Variants in ITPKC observed in about 807,000 individuals in gnomAD.
ITPKC encodes IP3 3-kinase C.
In ITPKC, 33 loss-of-function variants were observed where a neutral mutation model predicts 67.1. That is an observed-to-expected ratio of 0.49 (90% CI 0.37 to 0.66). The LOEUF is 0.66. ITPKC is among the 30% of genes least tolerant of loss of function. ITPKC has a pLI of 0.00. For synonymous variants in ITPKC, 341 were observed against 359.8 expected (o/e 0.95, Z 0.59); for missense variants, 820 against 892.1 (o/e 0.92, Z 1.03).
At chr19:40,738,550 T>C (rs1314631410) in intron 6 of ITPKC, among the ~76,000 whole-genome samples, 1 of 150,730 alleles carries the variant, frequency 6.6e-6, no homozygotes, top group Admixed American at 6.6e-5. Context: ...AGACTCTGTC[T>C]CAAAAAAAAA....
intron 1 of ITPKC, among the ~76,000 whole-genome samples, chr19:40,722,690 C>T (rs2082227840): frequency 6.6e-6 from 1 of 152,190 alleles, no homozygotes; most frequent in Admixed American, 6.5e-5. Flanking sequence ...ATGAATCAGA[C>T]ACTAACCCTG....
chr19:40,733,206 C>T lies in ITPKC; in HGVS notation c.1516C>T (p.Pro506Ser), dbSNP rs139491097. The change falls in exon 4 of 7, where the codon CCC becomes TCC. Residue 506 changes from proline to serine, a missense_variant. Coordinates refer to ENST00000263370, the MANE Select transcript of ITPKC (RefSeq NM_025194.3). ...AGTGAAGGCACGGGAACGTCCCCGTCCCCGGAAGGACATGTATGAGAAGAT... is the reference window on the plus strand; with the variant it reads ...AGTGAAGGCACGGGAACGTCCCCGTTCCCGGAAGGACATGTATGAGAAGAT... ...ELVKARERPRPRKDMYEKMVA... is the reference protein window; with the variant it reads ...ELVKARERPRSRKDMYEKMVA... The T allele has an allele frequency of 2.6e-4, 417 of 1,614,216 alleles. No individual in the cohort carries two copies. Among genetic ancestry groups the T allele is most frequent in the Middle Eastern group, 6.6e-4 (4 of 6,060 alleles).
chr19:40,729,900 G>A (rs758351270), intron 3 of ITPKC, among the ~76,000 whole-genome samples: 2 of 152,180 alleles, frequency 1.3e-5, no homozygotes, highest in Non-Finnish European at 2.9e-5. Context: ...GGTACTGTCT[G>A]TTTTATTAAC....
rs1202395500 is a variant in ITPKC at position 40,732,239 on chromosome 19, C to CAA, written c.1470-903_1470-902dup. ...TTGGTGACAGAGCAAGACTCCATCT[C>CAA]AAAAAAAAAAAAAAAAAAAGGCTGG... On this transcript the variant is annotated intron_variant, in intron 3 of 6. Coordinates refer to ENST00000263370, the MANE Select transcript of ITPKC (RefSeq NM_025194.3). Among the ~76,000 whole-genome samples the CAA allele has an allele frequency of 5.0e-4, 23 of 46,436 alleles. 1 individual carries two copies. The highest frequency in any genetic ancestry group is 1.2e-3 in the African/African-American group (16 of 13,062). 30.5% of individuals were successfully genotyped at this position (46,436 alleles called of 152,430 possible). A position where few individuals can be genotyped will look rare whatever the true frequency, so the allele number is the denominator to read the frequency against.
In ITPKC at chr19:40,729,252, T is replaced by G; in HGVS notation, c.1306T>G (p.Cys436Gly). The G allele has an allele frequency of 6.2e-7, 1 of 1,614,134 alleles. No individual in the cohort carries two copies. The highest frequency in any genetic ancestry group is 8.5e-7 in the Non-Finnish European group (1 of 1,180,002). ...DGRILKRFCQ[C>G]EQRSLEQLMK... ...TCGGATTCTGAAACGTTTCTGTCAG[T>G]GTGAGCAGCGCAGCCTGGAGCAGCT... Residue 436 changes from cysteine (C) to glycine (G), a missense_variant, in exon 3 of 7, where the codon TGT (cysteine) becomes GGT (glycine). Coordinates refer to ENST00000263370, the MANE Select transcript of ITPKC (RefSeq NM_025194.3).
Position 40,717,547 on chromosome 19 carries a change from A to G in ITPKC, c.412A>G (p.Thr138Ala). The G allele has an allele frequency of 6.2e-7, 1 of 1,613,990 alleles. No individual in the cohort carries two copies. The highest frequency in any genetic ancestry group is 8.5e-7 in the Non-Finnish European group (1 of 1,179,996). ...WSELETTCLW[T>A]ETGTDGLWTD... ...AGAGCTGGAGACGACTTGTCTTTGG[A>G]CGGAGACCGGGACAGATGGCCTTTG... is the stretch of plus-strand genomic sequence containing the variant. Residue 138 changes from threonine (T) to alanine (A), a missense_variant, in exon 1 of 7, where the codon ACG (threonine) becomes GCG (alanine). By Grantham distance (58) the Thr-to-Ala change is moderately conservative. Transcript: ENST00000263370.
chr19:40,719,499 T>G (rs1466050482), intron 1 of ITPKC, among the ~76,000 whole-genome samples: 1 of 152,106 alleles, frequency 6.6e-6, no homozygotes, highest in Non-Finnish European at 1.5e-5. Flanking sequence ...AGATACTTTT[T>G]TTTTTTTTCT....
chr19:40,736,473 G>A (rs1304864387), intron 4 of ITPKC, among the ~76,000 whole-genome samples: 2 of 151,962 alleles, frequency 1.3e-5, no homozygotes, highest in Non-Finnish European at 2.9e-5. Flanking sequence ...TTCCTCCTCT[G>A]GCAGCAAGTG....
Position 40,717,914 on chromosome 19 carries a change from A to G in ITPKC, c.779A>G (p.Lys260Arg), listed in dbSNP as rs1215328448. ...AAACAGGATACTGAAGCAGCCAGGA[A>G]ACAGCCTGGCACTGGTGGTTTCCAA... ...QKKQDTEAAR[K>R]QPGTGGFQIQ... The change falls in exon 1 of 7, where the codon AAA becomes AGA. Residue 260 changes from lysine (K) to arginine (R), a missense_variant. Around this residue, in one of 2 missense-constraint regions of ITPKC, gnomAD observed 481 missense variants for 470.1 expected, o/e 1.02. Coordinates refer to ENST00000263370, the MANE Select transcript of ITPKC (RefSeq NM_025194.3). 1 of 1,614,152 alleles carries G rather than the reference A, an allele frequency of 6.2e-7. No individual in the cohort carries two copies. Among genetic ancestry groups the G allele is most frequent in the African/African-American group, 1.3e-5 (1 of 75,034 alleles).
chr19:40,732,391 G>A (rs1363520710), intron 3 of ITPKC, among the ~76,000 whole-genome samples: 2 of 151,580 alleles, frequency 1.3e-5, no homozygotes, highest in Admixed American at 6.6e-5. Flanking sequence ...TTATCCGGGT[G>A]TGGTGGCGGG....
intron 6 of ITPKC, 58 bp from the exon 7 acceptor site, chr19:40,739,298 AG>A: frequency 7.7e-7 from 1 of 1,306,692 alleles, no homozygotes; most frequent in African/African-American, 1.5e-5. Context: ...GCTGCCTGTC[AG>A]GAAGGGACCT....
At chr19:40,727,206 C>T (rs916082347) in intron 2 of ITPKC, among the ~76,000 whole-genome samples, 13 of 151,756 alleles carry the variant, frequency 8.6e-5, no homozygotes, top group East Asian at 7.8e-4. Flanking sequence ...TGGTGGCGGG[C>T]GCCTGTAATC....
chr19:40,731,486 G>C (rs188626766), intron 3 of ITPKC, among the ~76,000 whole-genome samples: 5 of 152,172 alleles, frequency 3.3e-5, no homozygotes, highest in African/African-American at 1.2e-4. Context: ...GAAGTGTAGG[G>C]CAAGGTATGG....
rs146538442 is a variant in ITPKC at position 40,722,953 on chromosome 19, T to TTTTATTTA, written c.1156-2371_1156-2364dup. Among the ~76,000 whole-genome samples, 4 of 151,386 alleles carry TTTTATTTA rather than the reference T, an allele frequency of 2.6e-5. No individual in the cohort carries two copies. In the East Asian group the frequency reaches 5.9e-4, roughly 22 times the overall value. On this transcript the variant is annotated intron_variant, in intron 1 of 6. Transcript: ENST00000263370. ...CACCACGCCTAGCTGATTCTTAATT[T>TTTTATTTA]TTTATTTATTTATTTATTTATTTTT...
At chr19:40,723,672 T>A (rs975190618) in intron 1 of ITPKC, among the ~76,000 whole-genome samples, 10 of 151,900 alleles carry the variant, frequency 6.6e-5, no homozygotes, top group African/African-American at 2.4e-4. Context: ...AATTTTTGTA[T>A]TTTTAGTAGA....
intron 1 of ITPKC, among the ~76,000 whole-genome samples, chr19:40,723,476 T>C (rs1313432979): frequency 6.7e-6 from 1 of 149,946 alleles, no homozygotes; most frequent in Admixed American, 6.8e-5. Flanking sequence ...TATCTCTCTC[T>C]TTTAGTCTTC....
chr19:40,724,383 C>T (rs1034934382), intron 1 of ITPKC, among the ~76,000 whole-genome samples: 5 of 152,068 alleles, frequency 3.3e-5, no homozygotes, highest in South Asian at 2.1e-4. Context: ...GAGTGAGACC[C>T]GGTCTCTAAA....
intron 3 of ITPKC, among the ~76,000 whole-genome samples, chr19:40,731,150 ACC>A (rs895859245): frequency 1.3e-5 from 2 of 152,038 alleles, no homozygotes; most frequent in African/African-American, 4.8e-5. Flanking sequence ...GGGGTCCCCA[ACC>A]CCTGGGCCGC....
chr19:40,733,917 G>C (rs763964030), intron 4 of ITPKC, among the ~76,000 whole-genome samples: 6 of 152,094 alleles, frequency 3.9e-5, no homozygotes, highest in Non-Finnish European at 7.3e-5. Flanking sequence ...TGTTTGAATA[G>C]CTAGTCACAC....
Sources: allele counts gnomAD v4.1 joint callset (sites outside exome capture counted in the v4.1 genomes callset), GRCh38; gene constraint gnomAD v4.1.1; regional missense constraint gnomAD v4.1.1; transcripts MANE v1.5; gene names NCBI Gene and HGNC (gene_info 2026-07-23, HGNC 2026-07-21).